The following MAGI2 variants were observed in gnomAD, a reference collection of about 807,000 sequenced individuals.
The protein encoded by MAGI2 is membrane-associated guanylate kinase, WW and PDZ domain-containing protein 2.
MAGI2 carries 35 observed loss-of-function variants against 133.3 expected under a neutral mutation model. That is an observed-to-expected ratio of 0.26 (90% CI 0.20 to 0.35). The LOEUF (loss-of-function observed/expected upper bound fraction) is 0.35. MAGI2 is among the 10% of genes least tolerant of loss of function. The pLI, the probability that MAGI2 is intolerant of heterozygous loss-of-function variation, is 1.00. For synonymous variants in MAGI2, 729 were observed against 710.6 expected (o/e 1.03, Z -0.41); for missense variants, 1,636 against 1,863.4 (o/e 0.88, Z 2.25).
intron 15 of MAGI2, among the ~76,000 whole-genome samples, chr7:78,164,635 A>G (rs1825439318): frequency 6.6e-6 from 1 of 152,222 alleles, no homozygotes; most frequent in Non-Finnish European, 1.5e-5. Context: ...TACTGGCTAA[A>G]CTTTTCACCC....
chr7:78,955,713 T>C (rs28377324), intron 2 of MAGI2, among the ~76,000 whole-genome samples: 3,290 of 73,108 alleles, frequency 0.045, 66 homozygotes, highest in African/African-American at 0.066. Flanking sequence ...TTCTTTCTTT[T>C]TCTTTCTTTC....
intron 2 of MAGI2, among the ~76,000 whole-genome samples, chr7:78,685,035 G>A (rs1816129768): frequency 6.6e-6 from 1 of 152,150 alleles, no homozygotes; most frequent in Admixed American, 6.5e-5. Context: ...TAGCAGGACC[G>A]ATTTAACACA....
chr7:78,906,417 C>A (rs1797996446), intron 2 of MAGI2, among the ~76,000 whole-genome samples: 1 of 152,338 alleles, frequency 6.6e-6, no homozygotes, highest in Middle Eastern at 3.4e-3. Context: ...GGTCTCTCGT[C>A]TATCATCATC....
At chr7:78,621,474 G>A (rs1807728484) in intron 3 of MAGI2, among the ~76,000 whole-genome samples, 1 of 152,040 alleles carries the variant, frequency 6.6e-6, no homozygotes, top group African/African-American at 2.4e-5. Flanking sequence ...TCCGAGTCAT[G>A]GAAAAGAGTC....
chr7:78,912,824 T>C (rs1159316815), intron 2 of MAGI2, among the ~76,000 whole-genome samples: 2 of 147,880 alleles, frequency 1.4e-5, no homozygotes, highest in African/African-American at 4.9e-5. Flanking sequence ...CATTCATATA[T>C]ATATATATAT....
At chr7:79,272,444 G>A (rs1057269444) in intron 1 of MAGI2, among the ~76,000 whole-genome samples, 1 of 152,010 alleles carries the variant, frequency 6.6e-6, no homozygotes, top group African/African-American at 2.4e-5. Flanking sequence ...TTACTAGAAC[G>A]CTTAGCATAA....
intron 1 of MAGI2, among the ~76,000 whole-genome samples, chr7:79,278,026 C>G (rs1011923379): frequency 6.6e-5 from 10 of 152,074 alleles, no homozygotes; most frequent in Non-Finnish European, 1.2e-4. Flanking sequence ...TTTTGATGTC[C>G]CCTCCAAATC....
intron 9 of MAGI2, among the ~76,000 whole-genome samples, chr7:78,323,020 T>G (rs73702208): frequency 4.9e-4 from 68 of 138,478 alleles, no homozygotes; most frequent in African/African-American, 1.8e-3. Context: ...TAAAAATAAA[T>G]ATGTGTTCAT....
In MAGI2 at chr7:78,357,746, CT is replaced by C. The variant is rs909441804; in HGVS notation, c.1103+11409del. 1.2e-3 allele frequency among the ~76,000 whole-genome samples: 174 copies of C among 151,098 alleles called. 1 individual carries two copies. Among genetic ancestry groups the C allele is most frequent in the African/African-American group, 3.7e-3 (151 of 41,190 alleles). On this transcript the variant is annotated intron_variant, in intron 7 of 21. Transcript: ENST00000354212. Reference sequence around the variant, plus strand: ...TAATTTTATTAGCACAACAAAGAGCCTTTTTTTTTCTTTTGCCTTTAGTAGA... The same window carrying C: ...TAATTTTATTAGCACAACAAAGAGCCTTTTTTTTCTTTTGCCTTTAGTAGA...
chr7:78,705,758 G>C (rs12672221), intron 2 of MAGI2, among the ~76,000 whole-genome samples: 2,625 of 152,234 alleles, frequency 0.017, 55 homozygotes, highest in South Asian at 0.05. Flanking sequence ...TGAAAAAATA[G>C]CTGACTGGAT....
chr7:79,243,485 T>C (rs576373279), intron 1 of MAGI2, among the ~76,000 whole-genome samples: 1 of 152,108 alleles, frequency 6.6e-6, no homozygotes, highest in South Asian at 2.1e-4. Context: ...CTGAGAAAAA[T>C]GGGATGTGAG....
At chr7:79,434,822 T>A (rs779276372) in intron 1 of MAGI2, among the ~76,000 whole-genome samples, 2 of 152,158 alleles carry the variant, frequency 1.3e-5, no homozygotes, top group South Asian at 2.1e-4. Flanking sequence ...CTGCAAAAAA[T>A]TAACATTTAA....
At chr7:79,413,873 C>A (rs1446363722) in intron 1 of MAGI2, 1 of 152,152 alleles carries the variant, frequency 6.6e-6, no homozygotes, top group Non-Finnish European at 1.5e-5. Context: ...TGCATCTATA[C>A]CACTCCTTTG....
chr7:79,428,562 T>C (rs1465122630), intron 1 of MAGI2, among the ~76,000 whole-genome samples: 1 of 152,154 alleles, frequency 6.6e-6, no homozygotes, highest in East Asian at 1.9e-4. Context: ...TTGGAAAGGT[T>C]AATACAGAAC....
At chr7:78,970,312 T>C (rs1803680678) in intron 2 of MAGI2, among the ~76,000 whole-genome samples, 1 of 152,092 alleles carries the variant, frequency 6.6e-6, no homozygotes. Flanking sequence ...GGATAATTTT[T>C]CCCAGCCCCT....
At position 79,228,054 on chromosome 7, in the gene MAGI2, A is replaced by T. The variant is rs182788513; in HGVS notation, c.302-220848T>A. Among the ~76,000 whole-genome samples the T allele has an allele frequency of 8.5e-4, 130 of 152,166 alleles. 2 individuals are homozygous for T. Among genetic ancestry groups the T allele is most frequent in the African/African-American group, 2.9e-3 (122 of 41,528 alleles). On this transcript the variant is annotated intron_variant, in intron 1 of 21. Transcript: ENST00000354212. ...TTTTAAAAAACAAAAGAAAACAAAA[A>T]CTGCTGAAGGCTAGGTGCCTTGTCT...
intron 2 of MAGI2, among the ~76,000 whole-genome samples, chr7:78,857,601 GC>G (rs1181496842): frequency 1.3e-5 from 2 of 152,200 alleles, no homozygotes; most frequent in African/African-American, 2.4e-5. Flanking sequence ...CAGGGATGAA[GC>G]CCACTTGATC....
At chr7:79,435,303 T>C (rs1848059261) in intron 1 of MAGI2, among the ~76,000 whole-genome samples, 1 of 152,230 alleles carries the variant, frequency 6.6e-6, no homozygotes, top group Admixed American at 6.5e-5. Flanking sequence ...TAAGGCATTA[T>C]GCCAGGTATT....
chr7:78,893,864 C>G (rs1360339885), intron 2 of MAGI2, among the ~76,000 whole-genome samples: 1 of 152,124 alleles, frequency 6.6e-6, no homozygotes, highest in Non-Finnish European at 1.5e-5. Flanking sequence ...TACCCTAAAA[C>G]TTAAAGTATA....
Sources: gnomAD v4.1 joint callset for allele counts (sites outside exome capture counted in the v4.1 genomes callset) on GRCh38, gnomAD v4.1.1 for gene constraint, MANE v1.5 for transcripts, NCBI Gene and HGNC (gene_info 2026-07-23, HGNC 2026-07-21) for gene names.